Variants in HFM1 observed in about 807,000 individuals in gnomAD.
HFM1 encodes the protein probable ATP-dependent DNA helicase HFM1.
HFM1 carries 169 observed loss-of-function variants against 192.1 expected under a neutral mutation model. The ratio of observed to expected loss-of-function variants is 0.88; its 90% CI spans 0.78 to 1.00. HFM1 has a LOEUF of 1.00. Among genes scored for constraint, HFM1 ranks in the 50% least tolerant of loss-of-function variants. The probability of loss-of-function intolerance (pLI) is 0.00; values close to 1 mark genes in which losing one functional copy is unlikely to be tolerated. For synonymous variants in HFM1, 525 were observed against 537.8 expected, an observed-to-expected ratio of 0.98 and a Z score of 0.33; for missense variants, 1,661 against 1,668.0, an observed-to-expected ratio of 1.00 and a Z score of 0.07.
chr1:91,325,508 T>C (rs1652770838), intron 20 of HFM1, among the ~76,000 whole-genome samples: 1 of 152,156 alleles, frequency 6.6e-6, no homozygotes, highest in Non-Finnish European at 1.5e-5. Context: ...ACAAGAGTCT[T>C]TGCCTGATAG....
chr1:91,379,620 T>C (rs942794834), intron 8 of HFM1, among the ~76,000 whole-genome samples: 2 of 151,972 alleles, frequency 1.3e-5, no homozygotes, highest in East Asian at 1.9e-4. Context: ...ATCAAGGTAA[T>C]AGCCAAAAAG....
intron 11 of HFM1, 129 bp downstream of exon 11, chr1:91,377,896 A>C: frequency 1.2e-6 from 1 of 841,612 alleles, no homozygotes; most frequent in Non-Finnish European, 1.9e-6. Context: ...AGATCTAGCC[A>C]CAACTTTCTA....
intron 20 of HFM1, 137 bp downstream of exon 20, chr1:91,343,293 G>A (rs936011455): frequency 2.0e-5 from 8 of 402,338 alleles, no homozygotes; most frequent in African/African-American, 1.3e-4. Context: ...TCATGCCTAT[G>A]GCTAATAATG....
chr1:91,319,676 T>C (rs1449660463), intron 23 of HFM1, among the ~76,000 whole-genome samples: 1 of 152,158 alleles, frequency 6.6e-6, no homozygotes, highest in Non-Finnish European at 1.5e-5. Context: ...TTCATTATAA[T>C]CTCTAGATTG....
intron 11 of HFM1, chr1:91,377,423 G>C (rs1268249384): frequency 6.6e-6 from 1 of 151,968 alleles, no homozygotes; most frequent in African/African-American, 2.4e-5. Flanking sequence ...GTAGGAGTGA[G>C]AAAGTAGAGT....
chr1:91,313,604 A>C, intron 29 of HFM1, 109 bp from the exon 30 acceptor site: 1 of 647,508 alleles, frequency 1.5e-6, no homozygotes, highest in Non-Finnish European at 2.4e-6. Context: ...TCTAGAGCTA[A>C]GAAGTCCAGA....
chr1:91,371,799 C>A (rs1437471828), intron 13 of HFM1, among the ~76,000 whole-genome samples: 1 of 151,742 alleles, frequency 6.6e-6, no homozygotes, highest in Non-Finnish European at 1.5e-5. Flanking sequence ...AGTGAATAGG[C>A]AGCCTACAGA....
intron 30 of HFM1, among the ~76,000 whole-genome samples, chr1:91,291,277 AG>A (rs1443600133): frequency 6.6e-6 from 1 of 152,206 alleles, no homozygotes; most frequent in African/African-American, 2.4e-5. Flanking sequence ...GTTTTTTGAA[AG>A]GATCAACAAA....
intron 7 of HFM1, 75 bp from the exon 8 acceptor site, chr1:91,380,311 G>A: frequency 1.1e-6 from 1 of 922,612 alleles, no homozygotes; most frequent in South Asian, 2.8e-5. Flanking sequence ...TAAAAAAAAA[G>A]TCTTAGTAAG....
chr1:91,330,763 AG>A (rs1458695605), intron 20 of HFM1, among the ~76,000 whole-genome samples: 9 of 152,348 alleles, frequency 5.9e-5, no homozygotes, highest in South Asian at 2.1e-4. Context: ...ACAAAATACT[AG>A]CAAACCAAAT....
At chr1:91,267,690 G>GA in intron 35 of HFM1, 55 bp downstream of exon 35, 3 of 823,234 alleles carry the variant, frequency 3.6e-6, no homozygotes. Flanking sequence ...GAGCTGAAAT[G>GA]AAAAATATTC....
chr1:91,278,224 G>T (rs1481749636), intron 30 of HFM1, among the ~76,000 whole-genome samples: 1 of 151,788 alleles, frequency 6.6e-6, no homozygotes, highest in Admixed American at 6.6e-5. Flanking sequence ...TTAGCTATAT[G>T]AATTTACAGG....
intron 9 of HFM1, among the ~76,000 whole-genome samples, chr1:91,378,709 AC>A (rs1277895276): frequency 1.3e-5 from 2 of 152,110 alleles, no homozygotes; most frequent in Non-Finnish European, 2.9e-5. Flanking sequence ...ACACTGAACC[AC>A]AAAATATTCA....
intron 3 of HFM1, among the ~76,000 whole-genome samples, chr1:91,394,658 C>G (rs1663430142): frequency 2.0e-5 from 3 of 152,054 alleles, no homozygotes; most frequent in Middle Eastern, 3.4e-3. Context: ...TTATATGGCA[C>G]TGCATTATAA....
At chr1:91,311,265 C>T (rs1424170777) in intron 30 of HFM1, among the ~76,000 whole-genome samples, 1 of 152,184 alleles carries the variant, frequency 6.6e-6, no homozygotes. Context: ...TTTAGGGCAT[C>T]TGGTGGAAAA....
chr1:91,334,878 G>A (rs1023541768), intron 20 of HFM1, among the ~76,000 whole-genome samples: 6 of 151,296 alleles, frequency 4.0e-5, no homozygotes, highest in Non-Finnish European at 7.4e-5. Context: ...GCAGTGAGCC[G>A]AGATCGTGCC....
At chr1:91,345,301 G>C (rs1655983021) in intron 19 of HFM1, among the ~76,000 whole-genome samples, 2 of 152,118 alleles carry the variant, frequency 1.3e-5, no homozygotes, top group South Asian at 4.2e-4. Flanking sequence ...AGTGTGCAAA[G>C]GACTTGATGT....
At position 91,347,393 on chromosome 1, in the gene HFM1, T is replaced by A. The variant is rs553992082; in HGVS notation, c.2254+36A>T. The stretch of plus-strand genomic sequence containing the variant: ...ATAACTGAACTTTTTCACTAAAATA[T>A]ATAGAATCTAATTTTTAGAATGAAA... On this transcript the variant is annotated intron_variant, in intron 19 of 38. Transcript: ENST00000370425. The A allele has an allele frequency of 4.5e-5, 56 of 1,254,714 alleles. No individual in the cohort carries two copies. In the South Asian group the frequency reaches 7.5e-4, roughly 17 times the overall value. The allele number at this position is 1,254,714 out of a possible 1,614,324, so 77.7% of individuals were successfully genotyped here. A position where few individuals can be genotyped will look rare whatever the true frequency, so the allele number is the denominator to read the frequency against.
chr1:91,394,170 C>G lies in HFM1; in HGVS notation c.417G>C (p.Glu139Asp). ...ATTTTGTATCATCAGGAACACTCTTCTCAGGTGCTATCTCAGTGCCAATGT... is the reference window on the plus strand; with the variant it reads ...ATTTTGTATCATCAGGAACACTCTTGTCAGGTGCTATCTCAGTGCCAATGT... ...KNHIGTEIAP[E>D]KSVPDDTKLV... Residue 139 changes from glutamate to aspartate, a missense_variant, in exon 4 of 39, where the codon GAG becomes GAC. Glu to Asp is a conservative substitution (Grantham distance 45). Transcript: ENST00000370425. 3.7e-6 allele frequency: 6 copies of G among 1,609,592 alleles called. No individual in the cohort carries two copies. Among genetic ancestry groups the G allele is most frequent in the Non-Finnish European group, 5.1e-6 (6 of 1,176,174 alleles).
Sources: allele counts gnomAD v4.1 joint callset (sites outside exome capture counted in the v4.1 genomes callset), GRCh38; gene constraint gnomAD v4.1.1; transcripts MANE v1.5; gene names NCBI Gene and HGNC (gene_info 2026-07-23, HGNC 2026-07-21).